GLIS3: variants seen among roughly 807,000 people sequenced by gnomAD.
GLIS3 encodes the protein zinc finger protein GLIS3.
Under a neutral mutation model 78.6 loss-of-function variants are expected in GLIS3, and 53 were observed. The ratio of observed to expected loss-of-function variants is 0.67; its 90% CI spans 0.54 to 0.85. The LOEUF (loss-of-function observed/expected upper bound fraction) is 0.85. Among genes scored for constraint, GLIS3 ranks in the 40% least tolerant of loss-of-function variants. The pLI, the probability that GLIS3 is intolerant of heterozygous loss-of-function variation, is 0.00. For missense variants in GLIS3, 1,703 were observed against 1,231.1 expected, an observed-to-expected ratio of 1.38 and a Z score of -5.74; for synonymous variants, 684 against 509.9, an observed-to-expected ratio of 1.34 and a Z score of -4.60.
At chr9:4,089,628 C>A (rs1829322584) in intron 4 of GLIS3, among the ~76,000 whole-genome samples, 1 of 152,046 alleles carries the variant, frequency 6.6e-6, no homozygotes, top group African/African-American at 2.4e-5. Flanking sequence ...GAGTTTGAAA[C>A]CAGCCTGGGC....
chr9:4,200,905 T>C (rs952291747), intron 2 of GLIS3, among the ~76,000 whole-genome samples: 1 of 152,110 alleles, frequency 6.6e-6, no homozygotes, highest in African/African-American at 2.4e-5. Context: ...TACAGGCCAA[T>C]ATCCCTGATG....
At chr9:4,468,303 T>C in the GLIS3 span, among the ~76,000 whole-genome samples, 18 of 152,066 alleles carry the variant, frequency 1.2e-4, no homozygotes, top group Admixed American at 9.8e-4. Flanking sequence ...AGATACTCCT[T>C]GAGAAGAGCA....
the GLIS3 span, among the ~76,000 whole-genome samples, chr9:4,461,805 G>T: frequency 2.0e-5 from 3 of 152,176 alleles, no homozygotes; most frequent in Admixed American, 2.0e-4. Context: ...TAAAGATCAA[G>T]TGGAGCTATA....
At chr9:4,260,122 G>A (rs1825370836) in intron 2 of GLIS3, among the ~76,000 whole-genome samples, 3 of 152,198 alleles carry the variant, frequency 2.0e-5, no homozygotes, top group Admixed American at 2.0e-4. Flanking sequence ...CAGCTGACCA[G>A]GTGTCTGATT....
intron 4 of GLIS3, among the ~76,000 whole-genome samples, chr9:3,958,261 T>A (rs1321922808): frequency 1.3e-5 from 2 of 152,118 alleles, no homozygotes; most frequent in African/African-American, 4.8e-5. Context: ...TTTTTGAAGA[T>A]GAGAGGAAGA....
intron 2 of GLIS3, among the ~76,000 whole-genome samples, chr9:4,203,417 C>A (rs1015813402): frequency 6.6e-6 from 1 of 152,156 alleles, no homozygotes; most frequent in Admixed American, 6.5e-5. Flanking sequence ...AAAGCAGTTC[C>A]GAGATTTCTC....
chr9:4,254,421 G>C (rs563958188), intron 2 of GLIS3, among the ~76,000 whole-genome samples: 1 of 152,192 alleles, frequency 6.6e-6, no homozygotes, highest in Non-Finnish European at 1.5e-5. Flanking sequence ...TGGTGGAGAA[G>C]ACTAGCCATT....
At chr9:4,329,685 C>T (rs1371571033) in intron 2 of GLIS3, among the ~76,000 whole-genome samples, 1 of 152,100 alleles carries the variant, frequency 6.6e-6, no homozygotes, top group Non-Finnish European at 1.5e-5. Context: ...ATCTAGTCTG[C>T]CCACCCACCT....
intron 7 of GLIS3, among the ~76,000 whole-genome samples, chr9:3,893,761 G>A (rs1240152074): frequency 6.6e-6 from 1 of 152,198 alleles, no homozygotes; most frequent in African/African-American, 2.4e-5. Context: ...GAACTGTCTG[G>A]CACAAATTCA....
At chr9:4,167,660 G>A (rs189977577) in intron 2 of GLIS3, among the ~76,000 whole-genome samples, 1 of 152,184 alleles carries the variant, frequency 6.6e-6, no homozygotes, top group East Asian at 1.9e-4. Flanking sequence ...TGTACACGTT[G>A]GTAGCACAAG....
At chr9:4,192,253 G>A (rs748761328) in intron 2 of GLIS3, among the ~76,000 whole-genome samples, 2 of 152,122 alleles carry the variant, frequency 1.3e-5, no homozygotes, top group African/African-American at 2.4e-5. Context: ...ATTACACAGT[G>A]CCAGAAAATG....
At chr9:3,941,523 A>C (rs1189788683) in intron 4 of GLIS3, among the ~76,000 whole-genome samples, 2 of 152,112 alleles carry the variant, frequency 1.3e-5, no homozygotes, top group Non-Finnish European at 2.9e-5. Context: ...GTGTGCCCAC[A>C]AGTTCCCTCG....
rs970544377 is a variant in GLIS3 at position 4,099,993 on chromosome 9, C to A, written c.1710+17775G>T. Among the ~76,000 whole-genome samples, 3 of 152,184 alleles carry A rather than the reference C, an allele frequency of 2.0e-5. No individual in the cohort carries two copies. The South Asian group carries it at 6.2e-4, about 32-fold the overall frequency. ...GACTCTCAGTTTCCCAGCCTGTAAA[C>A]TGGAAATAATTAGACCACTCATTCT... On this transcript the variant is annotated intron_variant, in intron 4 of 10. Coordinates refer to ENST00000381971, the MANE Select transcript of GLIS3 (RefSeq NM_001042413.2).
chr9:4,286,095 T>C lies in GLIS3; in HGVS notation c.331A>G (p.Thr111Ala), dbSNP rs368672536. The C allele has an allele frequency of 1.2e-6, 2 of 1,613,368 alleles. No homozygotes were observed. Among genetic ancestry groups the C allele is most frequent in the African/African-American group, 2.7e-5 (2 of 74,870 alleles). The change falls in exon 2 of 11, where the codon ACT (threonine) becomes GCT (alanine). Residue 111 changes from threonine (T) to alanine (A), a missense_variant. Thr to Ala is a moderately conservative substitution (Grantham distance 58). Coordinates refer to ENST00000381971, the MANE Select transcript of GLIS3 (RefSeq NM_001042413.2). ...AACTCCTGCTGCTTTGGCTTTAAAG[T>C]ATGTGACCCTGACATGCCTCCAGCC... The part of the protein sequence containing the change: ...TQAGGMSGSH[T>A]LKPKQQEFGS...
At chr9:4,250,270 G>T (rs141931804) in intron 2 of GLIS3, among the ~76,000 whole-genome samples, 8 of 151,866 alleles carry the variant, frequency 5.3e-5, no homozygotes, top group African/African-American at 1.9e-4. Context: ...TGGTTGGTAG[G>T]CTATTATTGC....
the GLIS3 span, among the ~76,000 whole-genome samples, chr9:4,410,177 A>G: frequency 2.0e-5 from 3 of 147,184 alleles, no homozygotes; most frequent in Non-Finnish European, 4.5e-5. Flanking sequence ...GTGTTTTGCC[A>G]TGTTGGCCAG....
At chr9:4,410,468 G>C in the GLIS3 span, among the ~76,000 whole-genome samples, 1 of 152,086 alleles carries the variant, frequency 6.6e-6, no homozygotes, top group African/African-American at 2.4e-5. Context: ...TATATATAAA[G>C]AATTCATGCA....
At chr9:4,025,138 G>A (rs146217495) in intron 4 of GLIS3, among the ~76,000 whole-genome samples, 177 of 152,066 alleles carry the variant, frequency 1.2e-3, no homozygotes, top group African/African-American at 4.2e-3. Flanking sequence ...TGTAATCCTC[G>A]CTACTCGGGA....
chr9:3,830,084 A>G (rs1363179689), intron 9 of GLIS3, among the ~76,000 whole-genome samples: 2 of 152,252 alleles, frequency 1.3e-5, no homozygotes, highest in African/African-American at 4.8e-5. Flanking sequence ...CTGGAAGTGA[A>G]TAATGTTATG....
Sources: gnomAD v4.1 joint callset for allele counts (sites outside exome capture counted in the v4.1 genomes callset) on GRCh38, gnomAD v4.1.1 for gene constraint, MANE v1.5 for transcripts, NCBI Gene and HGNC (gene_info 2026-07-23, HGNC 2026-07-21) for gene names.